The following DDAH1 variants were observed in gnomAD, a reference collection of about 807,000 sequenced individuals.
The protein encoded by DDAH1 is N(G),N(G)-dimethylarginine dimethylaminohydrolase 1.
Under a neutral mutation model 28.8 loss-of-function variants are expected in DDAH1, and 19 were observed. The observed-to-expected ratio is 0.66, with a 90% CI of 0.46 to 0.97. The LOEUF (loss-of-function observed/expected upper bound fraction) is 0.97. Among genes scored for constraint, DDAH1 ranks in the 50% least tolerant of loss-of-function variants. The pLI is 0.00. For missense variants in DDAH1, 326 were observed against 375.9 expected (o/e 0.87, Z 1.10); for synonymous variants, 153 against 154.4 (o/e 0.99, Z 0.07).
At chr1:85,394,202 A>G (rs2100561375) in intron 1 of DDAH1, among the ~76,000 whole-genome samples, 1 of 152,350 alleles carries the variant, frequency 6.6e-6, no homozygotes, top group East Asian at 1.9e-4. Flanking sequence ...TCAATCACAT[A>G]GATTAATGTC....
intron 1 of DDAH1, among the ~76,000 whole-genome samples, chr1:85,360,457 G>C (rs72954638): frequency 0.092 from 14,001 of 152,200 alleles, 701 homozygotes; most frequent in Middle Eastern, 0.15. Flanking sequence ...ACCATGACTT[G>C]TTGGGCTACT....
At chr1:85,559,156 A>G (rs1040318963) in intron 1 of DDAH1, among the ~76,000 whole-genome samples, 5 of 152,132 alleles carry the variant, frequency 3.3e-5, no homozygotes, top group African/African-American at 1.2e-4. Context: ...ATCTCTGACC[A>G]TTGCTTTTGA....
intron 1 of DDAH1, among the ~76,000 whole-genome samples, chr1:85,559,492 CA>C (rs1476897215): frequency 6.6e-6 from 1 of 151,354 alleles, no homozygotes; most frequent in Non-Finnish European, 1.5e-5. Context: ...AAATGTGATC[CA>C]AAAGAGGAAA....
chr1:85,418,673 C>T (rs1399664240), intron 1 of DDAH1, among the ~76,000 whole-genome samples: 1 of 152,204 alleles, frequency 6.6e-6, no homozygotes, highest in African/African-American at 2.4e-5. Flanking sequence ...GAAAATGTAG[C>T]ATCTCTTCGG....
chr1:85,408,500 C>G (rs1224168907), intron 1 of DDAH1, among the ~76,000 whole-genome samples: 1 of 152,062 alleles, frequency 6.6e-6, no homozygotes, highest in Non-Finnish European at 1.5e-5. Context: ...ACATATTGTT[C>G]TATAACTTAC....
intron 1 of DDAH1, among the ~76,000 whole-genome samples, chr1:85,502,954 T>C (rs976810509): frequency 1.3e-5 from 2 of 152,136 alleles, no homozygotes; most frequent in African/African-American, 4.8e-5. Context: ...TTTCTCACTA[T>C]CCATAGCTAC....
rs889070627 is a variant in DDAH1 at position 85,396,585 on chromosome 1, G to A, written c.304-37738C>T. On this transcript the variant is annotated intron_variant, in intron 1 of 5. Coordinates refer to ENST00000284031, the MANE Select transcript of DDAH1 (RefSeq NM_012137.4). Reference sequence around the variant, plus strand: ...GGATCAAATTTCAACATGAGATTTGGGGGACAAACATCCAAACCACAGCCA... The same window carrying A: ...GGATCAAATTTCAACATGAGATTTGAGGGACAAACATCCAAACCACAGCCA... Among the ~76,000 whole-genome samples, 4 of 152,042 alleles carry A rather than the reference G, an allele frequency of 2.6e-5. No homozygotes were observed. In the South Asian group the frequency reaches 8.3e-4, roughly 32 times the overall value.
intron 1 of DDAH1, among the ~76,000 whole-genome samples, chr1:85,368,056 T>C (rs1650167347): frequency 6.6e-6 from 1 of 152,180 alleles, no homozygotes. Context: ...GAAACAACTA[T>C]TAATGGAGGA....
chr1:85,461,530 A>C (rs1655126427), intron 1 of DDAH1, among the ~76,000 whole-genome samples: 1 of 151,928 alleles, frequency 6.6e-6, no homozygotes, highest in Admixed American at 6.5e-5. Flanking sequence ...GAAAGGGAGA[A>C]GAAGAAACAG....
intron 1 of DDAH1, among the ~76,000 whole-genome samples, chr1:85,551,048 T>C (rs1658774635): frequency 6.6e-6 from 1 of 152,242 alleles, no homozygotes; most frequent in African/African-American, 2.4e-5. Flanking sequence ...TACCTGCTAT[T>C]ATCCACACAA....
intron 1 of DDAH1, among the ~76,000 whole-genome samples, chr1:85,529,192 A>G (rs1183232485): frequency 6.6e-6 from 1 of 152,102 alleles, no homozygotes; most frequent in African/African-American, 2.4e-5. Flanking sequence ...ATCATTCTGT[A>G]ATGTGAATCC....
At chr1:85,509,815 G>C (rs181389051) in intron 1 of DDAH1, among the ~76,000 whole-genome samples, 1 of 152,230 alleles carries the variant, frequency 6.6e-6, no homozygotes, top group Non-Finnish European at 1.5e-5. Context: ...AACAAATAGA[G>C]CCTCCAAGAA....
intron 1 of DDAH1, among the ~76,000 whole-genome samples, chr1:85,531,598 G>C (rs1417290885): frequency 6.7e-6 from 1 of 149,116 alleles, no homozygotes; most frequent in Non-Finnish European, 1.5e-5. Flanking sequence ...ATGAGCCAGG[G>C]AAGTGGGTAT....
At chr1:85,487,098 T>C (rs1656231168) in intron 2 of DDAH1, among the ~76,000 whole-genome samples, 1 of 152,268 alleles carries the variant, frequency 6.6e-6, no homozygotes, top group Non-Finnish European at 1.5e-5. Flanking sequence ...TACATTTGTG[T>C]TCTTGGAAGA....
At chr1:85,424,387 T>C (rs1653295382) in intron 1 of DDAH1, among the ~76,000 whole-genome samples, 1 of 152,270 alleles carries the variant, frequency 6.6e-6, no homozygotes, top group East Asian at 1.9e-4. Context: ...CAAGGCAGTA[T>C]AGGGAATGTG....
intron 1 of DDAH1, chr1:85,576,954 AGCC>A (rs1159428292): frequency 1.1e-4 from 16 of 142,952 alleles, no homozygotes; most frequent in Non-Finnish European, 2.1e-4. Flanking sequence ...GTCGCAGGAC[AGCC>A]GCCGCCGCCG....
chr1:85,534,835 T>G (rs1289070068), intron 1 of DDAH1, among the ~76,000 whole-genome samples: 2 of 152,190 alleles, frequency 1.3e-5, no homozygotes, highest in Non-Finnish European at 2.9e-5. Flanking sequence ...CCTCTGCCTC[T>G]TTTCTCCATG....
At chr1:85,571,094 G>A (rs1659441607) in intron 1 of DDAH1, among the ~76,000 whole-genome samples, 1 of 152,138 alleles carries the variant, frequency 6.6e-6, no homozygotes, top group Admixed American at 6.5e-5. Flanking sequence ...ATGTCAAAAA[G>A]CTCATCTCAG....
upstream of DDAH1, among the ~76,000 whole-genome samples, chr1:85,466,758 G>T (rs1294005308): frequency 6.8e-6 from 1 of 148,062 alleles, no homozygotes; most frequent in Non-Finnish European, 1.5e-5. Flanking sequence ...ACAGGTGAAA[G>T]TTGATCTTTT....
Sources: gnomAD v4.1 joint callset for allele counts (sites outside exome capture counted in the v4.1 genomes callset) on GRCh38, gnomAD v4.1.1 for gene constraint, MANE v1.5 for transcripts, NCBI Gene and HGNC (gene_info 2026-07-23, HGNC 2026-07-21) for gene names.